Variants in THEM4 observed in about 807,000 individuals in gnomAD.
THEM4 encodes acyl-coenzyme A thioesterase THEM4.
Under a neutral mutation model 25.0 loss-of-function variants are expected in THEM4, and 22 were observed. The observed-to-expected ratio is 0.88, with a 90% CI of 0.63 to 1.26. The LOEUF is 1.26. Among genes scored for constraint, THEM4 ranks in the 50% most tolerant of loss-of-function variants. THEM4 has a pLI of 0.00. For missense variants in THEM4, 286 were observed against 300.3 expected (o/e 0.95, Z 0.35); for synonymous variants, 113 against 105.6 (o/e 1.07, Z -0.43).
At chr1:151,909,278 G>T in intron 1 of THEM4, 82 bp downstream of exon 1, 2 of 1,203,304 alleles carry the variant, frequency 1.7e-6, no homozygotes, top group Non-Finnish European at 2.3e-6. Context: ...GTTGGGGTAT[G>T]GATAACAATC....
In THEM4 at chr1:151,874,626, CG is replaced by C; in HGVS notation, c.*261del. On this transcript the variant is annotated 3_prime_UTR_variant, in exon 6 of 6. Transcript: ENST00000368814. ...CTGAGCTCAGGCAATCCGCCTGCCTCGGCCTCCTAAAGTGCTGGGATTATAG... is the reference window on the plus strand; with the variant it reads ...CTGAGCTCAGGCAATCCGCCTGCCTCGCCTCCTAAAGTGCTGGGATTATAG... 2.0e-6 allele frequency: 1 copy of C among 508,672 alleles called. No individual in the cohort carries two copies. The highest frequency in any genetic ancestry group is 3.5e-6 in the Non-Finnish European group (1 of 285,656). 31.5% of individuals were successfully genotyped at this position (508,672 alleles called of 1,614,324 possible).
chr1:151,876,011 A>G (rs981916450), intron 5 of THEM4, among the ~76,000 whole-genome samples: 1 of 152,228 alleles, frequency 6.6e-6, no homozygotes, highest in African/African-American at 2.4e-5. Context: ...TGTCACTGGA[A>G]GAGAGACATT....
Position 151,874,134 on chromosome 1 carries a change from G to T in THEM4, c.*754C>A, listed in dbSNP as rs1358132275. ...ATTCATTCCTATAGGATCTGGCTGT[G>T]CTTCCTACACTGACCAAAAAAGATT... is the stretch of plus-strand genomic sequence containing the variant. On this transcript the variant is annotated 3_prime_UTR_variant, in exon 6 of 6. Transcript: ENST00000368814. 6.6e-6 allele frequency: 1 copy of T among 152,208 alleles called. No homozygotes were observed. The highest frequency in any genetic ancestry group is 2.4e-5 in the African/African-American group (1 of 41,424). 9.4% of individuals were successfully genotyped at this position (152,208 alleles called of 1,614,324 possible). A position where few individuals can be genotyped will look rare whatever the true frequency, so the allele number is the denominator to read the frequency against.
chr1:151,872,150 A>G lies in THEM4; in HGVS notation c.*2738T>C. Among the ~76,000 whole-genome samples, 1 of 143,212 alleles carries G rather than the reference A, an allele frequency of 7.0e-6. No individual in the cohort carries two copies. The highest frequency in any genetic ancestry group is 2.1e-4 in the South Asian group (1 of 4,820). 94.0% of individuals were successfully genotyped at this position (143,212 alleles called of 152,430 possible). Reference sequence around the variant, plus strand: ...CCAGCTTCACCCCTGCAGTGCCCCCATGTCTGCTGGGCCCTTGCAACTTGA... The same window carrying G: ...CCAGCTTCACCCCTGCAGTGCCCCCGTGTCTGCTGGGCCCTTGCAACTTGA... On this transcript the variant is annotated 3_prime_UTR_variant, in exon 6 of 6. Coordinates refer to ENST00000368814, the MANE Select transcript of THEM4 (RefSeq NM_053055.5).
At chr1:151,889,093 T>G in intron 3 of THEM4, 121 bp downstream of exon 3, 1 of 625,156 alleles carries the variant, frequency 1.6e-6, no homozygotes, top group Non-Finnish European at 2.6e-6. Flanking sequence ...TCTTTCCATG[T>G]CAATAAATAT....
chr1:151,876,922 TCAACCAAC>T lies in THEM4; in HGVS notation c.682+71_682+78del, dbSNP rs143944284. On this transcript the variant is annotated intron_variant, in intron 5 of 5. Transcript: ENST00000368814. Reference sequence around the variant, plus strand: ...CCCCCTGACCCCCACAAAACCCAAATCAACCAACCAACCAACCAACCAAAACTCCCAAC... The same window carrying T: ...CCCCCTGACCCCCACAAAACCCAAATCAACCAACCAACCAAAACTCCCAAC... 2,558 of 1,504,756 alleles carry T rather than the reference TCAACCAAC, an allele frequency of 1.7e-3. 37 individuals are homozygous for T. In the South Asian group the frequency reaches 0.018, roughly 11 times the overall value. 93.2% of individuals were successfully genotyped at this position (1,504,756 alleles called of 1,614,324 possible).
chr1:151,894,658 G>A (rs1479358562), intron 2 of THEM4, among the ~76,000 whole-genome samples: 1 of 152,136 alleles, frequency 6.6e-6, no homozygotes, highest in Non-Finnish European at 1.5e-5. Flanking sequence ...AAGCTTCTTA[G>A]GGTGATATAA....
chr1:151,882,626 C>T (rs1293405620), intron 4 of THEM4, among the ~76,000 whole-genome samples: 1 of 152,090 alleles, frequency 6.6e-6, no homozygotes, highest in African/African-American at 2.4e-5. Flanking sequence ...GTTTTATCTG[C>T]CAAATGACTT....
At chr1:151,901,085 T>C (rs181288817) in intron 1 of THEM4, among the ~76,000 whole-genome samples, 102 of 152,350 alleles carry the variant, frequency 6.7e-4, no homozygotes, top group African/African-American at 2.2e-3. Flanking sequence ...CTATAATCTA[T>C]AGAAACAATG....
intron 1 of THEM4, among the ~76,000 whole-genome samples, chr1:151,903,471 C>T (rs1166705486): frequency 1.3e-5 from 2 of 152,116 alleles, no homozygotes; most frequent in Middle Eastern, 3.2e-3. Flanking sequence ...ATATAATTAG[C>T]CATTAAGGTA....
intron 2 of THEM4, 55 bp from the exon 3 acceptor site, chr1:151,889,428 G>T: frequency 6.4e-7 from 1 of 1,569,890 alleles, no homozygotes; most frequent in South Asian, 1.2e-5. Context: ...GAAATGCCAT[G>T]GCAGAGCCAA....
intron 1 of THEM4, among the ~76,000 whole-genome samples, chr1:151,901,918 G>T (rs961441655): frequency 2.0e-5 from 3 of 152,048 alleles, no homozygotes; most frequent in Admixed American, 6.6e-5. Flanking sequence ...ATGAAATCAA[G>T]ATGGAAATTT....
rs1654017071 is a variant in THEM4, at chr1:151,888,394, C to T, written c.447-11G>A. On this transcript the variant is annotated splice_polypyrimidine_tract_variant and intron_variant, in intron 3 of 5. Coordinates refer to ENST00000368814, the MANE Select transcript of THEM4 (RefSeq NM_053055.5). ...CCTCCATGAATGAATCTAGTTACAA[C>T]AGGAGTGGAGGAGAAATGTTTTCAG... is the stretch of plus-strand genomic sequence containing the variant. 1.3e-6 allele frequency: 2 copies of T among 1,594,402 alleles called. No individual in the cohort carries two copies. The highest frequency in any genetic ancestry group is 1.7e-6 in the Non-Finnish European group (2 of 1,165,984).
At chr1:151,908,058 C>G (rs975787917) in intron 1 of THEM4, among the ~76,000 whole-genome samples, 1 of 152,238 alleles carries the variant, frequency 6.6e-6, no homozygotes, top group Non-Finnish European at 1.5e-5. Flanking sequence ...TTAAGCTCCT[C>G]TCTCTGGTGG....
chr1:151,874,845 C>T lies in THEM4; in HGVS notation c.*43G>A, dbSNP rs769538567. ...CAGAGTATTTGGGGGACAACTGCTTCTTCTGGAGGGGCGAGAATGAGATGG... is the reference window on the plus strand; with the variant it reads ...CAGAGTATTTGGGGGACAACTGCTTTTTCTGGAGGGGCGAGAATGAGATGG... On this transcript the variant is annotated 3_prime_UTR_variant, in exon 6 of 6. Coordinates refer to ENST00000368814, the MANE Select transcript of THEM4 (RefSeq NM_053055.5). The T allele has an allele frequency of 3.2e-5, 51 of 1,599,622 alleles. No homozygotes were observed. The highest frequency in any genetic ancestry group is 4.2e-5 in the Non-Finnish European group (49 of 1,168,236).
At chr1:151,894,660 G>A (rs750379423) in intron 2 of THEM4, among the ~76,000 whole-genome samples, 8 of 152,234 alleles carry the variant, frequency 5.3e-5, no homozygotes, top group East Asian at 1.9e-4. Flanking sequence ...GCTTCTTAGG[G>A]TGATATAACC....
intron 1 of THEM4, among the ~76,000 whole-genome samples, chr1:151,898,233 C>T (rs892238394): frequency 1.8e-4 from 28 of 151,956 alleles, no homozygotes; most frequent in Middle Eastern, 3.4e-3. Flanking sequence ...GAAACAGACA[C>T]GGGGATGTTG....
At position 151,871,574 on chromosome 1, in the gene THEM4, G is replaced by A. The variant is rs1347619740; in HGVS notation, c.*3314C>T. On this transcript the variant is annotated 3_prime_UTR_variant, in exon 6 of 6. Coordinates refer to ENST00000368814, the MANE Select transcript of THEM4 (RefSeq NM_053055.5). The stretch of plus-strand genomic sequence containing the variant: ...GCTAGGAATAGTCTGCTGCAAAGCA[G>A]GGAAGCCATTTTTCCCTCACTGGCT... Among the ~76,000 whole-genome samples the A allele has an allele frequency of 2.6e-5, 4 of 152,218 alleles. No individual in the cohort carries two copies. The highest frequency in any genetic ancestry group is 9.7e-5 in the African/African-American group (4 of 41,450).
At chr1:151,897,473 T>G (rs1180427280) in intron 1 of THEM4, among the ~76,000 whole-genome samples, 1 of 152,182 alleles carries the variant, frequency 6.6e-6, no homozygotes, top group Non-Finnish European at 1.5e-5. Flanking sequence ...GGACTCCAGG[T>G]TCTTCAGTTT....
Sources: gnomAD v4.1 joint callset for allele counts (sites outside exome capture counted in the v4.1 genomes callset) on GRCh38, gnomAD v4.1.1 for gene constraint, MANE v1.5 for transcripts, NCBI Gene and HGNC (gene_info 2026-07-23, HGNC 2026-07-21) for gene names.